The following MTUS2 variants were observed in gnomAD, a reference collection of about 807,000 sequenced individuals.
MTUS2 encodes the protein microtubule associated scaffold protein 2.
Under a neutral mutation model 114.1 loss-of-function variants are expected in MTUS2, and 40 were observed. The ratio of observed to expected loss-of-function variants is 0.35; its 90% CI spans 0.27 to 0.46. MTUS2 has a LOEUF of 0.46. MTUS2 is among the 20% of genes least tolerant of loss of function. MTUS2 has a pLI of 1.00. For missense variants in MTUS2, 1,679 were observed against 1,705.4 expected (o/e 0.98, Z 0.27); for synonymous variants, 688 against 672.0 (o/e 1.02, Z -0.37).
At chr13:28,903,243 C>A (rs1053680890) in intron 2 of MTUS2, among the ~76,000 whole-genome samples, 3 of 151,568 alleles carry the variant, frequency 2.0e-5, no homozygotes, top group Admixed American at 6.6e-5. Context: ...GTTGACAGTT[C>A]TTTTCTTTCT....
At chr13:29,370,289 G>A (rs1019587361) in intron 8 of MTUS2, among the ~76,000 whole-genome samples, 2 of 152,140 alleles carry the variant, frequency 1.3e-5, no homozygotes, top group Non-Finnish European at 2.9e-5. Context: ...ACAGTATTAG[G>A]AGGTAGGGCC....
rs148307509 is a variant in MTUS2, at chr13:29,356,069, G to T, written c.2906-3193G>T. Among the ~76,000 whole-genome samples the T allele has an allele frequency of 3.7e-3, 569 of 152,218 alleles. 8 individuals carry two copies. Among genetic ancestry groups the T allele is most frequent in the African/African-American group, 0.013 (548 of 41,542 alleles). ...GGTCAGTGGCATGCCTGCCTGCTTT[G>T]CTGCTTTGAACCTTAGACCACCCCA... On this transcript the variant is annotated intron_variant, in intron 7 of 15. Coordinates refer to ENST00000612955, the MANE Select transcript of MTUS2 (RefSeq NM_001033602.4).
intron 2 of MTUS2, among the ~76,000 whole-genome samples, chr13:28,853,671 A>G (rs1309839070): frequency 6.6e-6 from 1 of 152,244 alleles, no homozygotes; most frequent in Non-Finnish European, 1.5e-5. Context: ...CACAAAATAC[A>G]GAAGTGGCTT....
chr13:28,988,860 C>T (rs1031915491), intron 2 of MTUS2, among the ~76,000 whole-genome samples: 2 of 151,890 alleles, frequency 1.3e-5, no homozygotes, highest in Non-Finnish European at 2.9e-5. Flanking sequence ...AGTTCTATTT[C>T]CCCCCTGAAT....
intron 4 of MTUS2, among the ~76,000 whole-genome samples, chr13:29,053,706 A>C (rs2479773): frequency 0.77 from 117,119 of 152,074 alleles, 45,369 homozygotes; most frequent in East Asian, 0.91. Flanking sequence ...CACTCATCAT[A>C]ATGTTTTTGA....
intron 5 of MTUS2, among the ~76,000 whole-genome samples, chr13:29,151,766 G>T (rs1892671890): frequency 6.6e-6 from 1 of 152,118 alleles, no homozygotes; most frequent in Non-Finnish European, 1.5e-5. Flanking sequence ...TTTATCAGAA[G>T]TTTTAATGCA....
intron 2 of MTUS2, among the ~76,000 whole-genome samples, chr13:28,902,793 T>G (rs1436383388): frequency 4.6e-5 from 7 of 152,156 alleles, no homozygotes; most frequent in African/African-American, 1.7e-4. Context: ...TGTATTATCT[T>G]TGTCTGGTTT....
At chr13:29,406,983 C>T (rs1456590606) in intron 8 of MTUS2, among the ~76,000 whole-genome samples, 2 of 152,202 alleles carry the variant, frequency 1.3e-5, no homozygotes, top group African/African-American at 4.8e-5. Context: ...CAGTGGCTCA[C>T]GCCTGTAATC....
rs530174025 is a variant in MTUS2 at position 29,462,905 on chromosome 13, G to C, written c.3185-17245G>C. ...GAACGACATCCCCGATGATGTCCTCGTTCTAGTCCCCAGAGCCTGTGTTAA... is the reference window on the plus strand; with the variant it reads ...GAACGACATCCCCGATGATGTCCTCCTTCTAGTCCCCAGAGCCTGTGTTAA... On this transcript the variant is annotated intron_variant, in intron 9 of 15. Transcript: ENST00000612955. 9.9e-5 allele frequency among the ~76,000 whole-genome samples: 15 copies of C among 152,270 alleles called. No homozygotes were observed. The East Asian group carries it at 2.9e-3, about 29-fold the overall frequency.
At chr13:29,202,812 G>C (rs1895016352) in intron 5 of MTUS2, among the ~76,000 whole-genome samples, 2 of 152,208 alleles carry the variant, frequency 1.3e-5, no homozygotes, top group African/African-American at 4.8e-5. Flanking sequence ...TCCAGACCCT[G>C]TTTGCCTGGG....
chr13:29,495,024 A>G (rs1365420036), intron 12 of MTUS2, among the ~76,000 whole-genome samples: 1 of 151,720 alleles, frequency 6.6e-6, no homozygotes, highest in Non-Finnish European at 1.5e-5. Flanking sequence ...GTCTCTACCA[A>G]AAATACAAAA....
chr13:28,979,437 T>C (rs1428093693), intron 2 of MTUS2, among the ~76,000 whole-genome samples: 1 of 152,186 alleles, frequency 6.6e-6, no homozygotes, highest in Non-Finnish European at 1.5e-5. Flanking sequence ...ATTATGGAAA[T>C]TAAAGAATAT....
intron 8 of MTUS2, among the ~76,000 whole-genome samples, chr13:29,411,029 G>T (rs980399852): frequency 6.6e-6 from 1 of 151,936 alleles, no homozygotes; most frequent in African/African-American, 2.4e-5. Flanking sequence ...GTGGGGTTTC[G>T]CCATGTTGGC....
chr13:28,981,698 G>A (rs1884365329), intron 2 of MTUS2, among the ~76,000 whole-genome samples: 1 of 152,178 alleles, frequency 6.6e-6, no homozygotes, highest in Non-Finnish European at 1.5e-5. Context: ...AGTGGCGCTT[G>A]GCAATGGGCC....
intron 5 of MTUS2, 134 bp downstream of exon 5, chr13:29,101,104 T>C: frequency 9.7e-7 from 1 of 1,029,254 alleles, no homozygotes; most frequent in Non-Finnish European, 1.4e-6. Context: ...TGTTGTGTTA[T>C]TCATCTACTG....
At chr13:28,840,878 G>T (rs1875429540) in intron 2 of MTUS2, among the ~76,000 whole-genome samples, 1 of 152,208 alleles carries the variant, frequency 6.6e-6, no homozygotes, top group African/African-American at 2.4e-5. Flanking sequence ...GTCCCAAAAG[G>T]GTAGCCTGAG....
intron 8 of MTUS2, among the ~76,000 whole-genome samples, chr13:29,396,288 C>T (rs1389438078): frequency 6.6e-6 from 1 of 152,054 alleles, no homozygotes; most frequent in Admixed American, 6.6e-5. Flanking sequence ...TGTAATAACT[C>T]CTTGTATGTA....
chr13:29,420,065 A>T (rs1452723665), intron 8 of MTUS2, among the ~76,000 whole-genome samples: 1 of 152,282 alleles, frequency 6.6e-6, no homozygotes, highest in Non-Finnish European at 1.5e-5. Flanking sequence ...TTAGAAAACC[A>T]TTCCAGAAAC....
chr13:29,061,863 C>T (rs1888435705), intron 4 of MTUS2, among the ~76,000 whole-genome samples: 1 of 152,216 alleles, frequency 6.6e-6, no homozygotes, highest in Admixed American at 6.5e-5. Context: ...CTTTCTCTTA[C>T]ATATTCATCA....
Sources: allele counts gnomAD v4.1 joint callset (sites outside exome capture counted in the v4.1 genomes callset), GRCh38; gene constraint gnomAD v4.1.1; transcripts MANE v1.5; gene names NCBI Gene and HGNC (gene_info 2026-07-23, HGNC 2026-07-21).